Variants in AFF3 observed in about 807,000 individuals in gnomAD.
AFF3 encodes ALF transcription elongation factor 3.
A neutral mutation model predicts 129.7 loss-of-function variants in AFF3; 32 were observed. The observed-to-expected ratio is 0.25, with a 90% CI of 0.19 to 0.33. The LOEUF is 0.33. Among genes scored for constraint, AFF3 ranks in the 10% least tolerant of loss-of-function variants. The pLI, the probability that AFF3 is intolerant of heterozygous loss-of-function variation, is 1.00. For synonymous variants in AFF3, 644 were observed against 635.4 expected (o/e 1.01, Z -0.20); for missense variants, 1,373 against 1,592.0 (o/e 0.86, Z 2.34).
At chr2:99,999,916 C>T (rs1681224601) in intron 7 of AFF3, among the ~76,000 whole-genome samples, 1 of 152,180 alleles carries the variant, frequency 6.6e-6, no homozygotes, top group Non-Finnish European at 1.5e-5. Flanking sequence ...AGTATCACTT[C>T]CAGAGGCATC....
intron 4 of AFF3, among the ~76,000 whole-genome samples, chr2:100,081,242 C>T (rs1325420075): frequency 6.6e-6 from 1 of 152,102 alleles, no homozygotes; most frequent in East Asian, 1.9e-4. Context: ...TACACTTGTA[C>T]TCCATACATT....
intron 4 of AFF3, among the ~76,000 whole-genome samples, chr2:100,009,983 G>C (rs1682365421): frequency 6.6e-6 from 1 of 152,172 alleles, no homozygotes; most frequent in African/African-American, 2.4e-5. Context: ...TTGGTCTAGT[G>C]GGCAGATGCT....
chr2:99,719,936 C>T (rs1009163437), intron 11 of AFF3, among the ~76,000 whole-genome samples: 3 of 152,178 alleles, frequency 2.0e-5, no homozygotes, highest in Admixed American at 2.0e-4. Context: ...ACTCAGGAGG[C>T]TGAGGCAGGA....
At chr2:99,689,177 C>T (rs1034167291) in intron 11 of AFF3, among the ~76,000 whole-genome samples, 9 of 152,104 alleles carry the variant, frequency 5.9e-5, no homozygotes, top group Non-Finnish European at 1.3e-4. Flanking sequence ...CTCTTCAGTC[C>T]CTTCTCCAGG....
rs559405785 is a variant in AFF3 at position 99,671,443 on chromosome 2, G to A, written c.1143+1095C>T. 1.1e-4 allele frequency among the ~76,000 whole-genome samples: 16 copies of A among 151,950 alleles called. No homozygotes were observed. The South Asian group carries it at 1.9e-3, about 18-fold the overall frequency. ...CTCCTCAAGCTCTTCTCCCTTTTTCGTGCCTCAGTTTCTCCCATGACATGA... is the reference window on the plus strand; with the variant it reads ...CTCCTCAAGCTCTTCTCCCTTTTTCATGCCTCAGTTTCTCCCATGACATGA... On this transcript the variant is annotated intron_variant, in intron 12 of 24. Coordinates refer to ENST00000672756, the MANE Select transcript of AFF3 (RefSeq NM_001386135.1).
At chr2:99,686,871 AC>A (rs1675113442) in intron 11 of AFF3, among the ~76,000 whole-genome samples, 1 of 152,212 alleles carries the variant, frequency 6.6e-6, no homozygotes, top group African/African-American at 2.4e-5. Flanking sequence ...CTGGGAGCCT[AC>A]CCTGTTCTGT....
At chr2:99,875,800 G>A (rs1190526263) in intron 7 of AFF3, among the ~76,000 whole-genome samples, 7 of 152,158 alleles carry the variant, frequency 4.6e-5, no homozygotes, top group Non-Finnish European at 8.8e-5. Flanking sequence ...GGCTCAATAT[G>A]GTCTCCCAGG....
At chr2:100,101,789 T>C (rs1350786206) in intron 4 of AFF3, among the ~76,000 whole-genome samples, 1 of 151,068 alleles carries the variant, frequency 6.6e-6, no homozygotes, top group African/African-American at 2.4e-5. Flanking sequence ...GGCTGCCCCA[T>C]TTTTAGATGT....
At chr2:99,680,463 G>T (rs1255100535) in intron 11 of AFF3, among the ~76,000 whole-genome samples, 1 of 152,132 alleles carries the variant, frequency 6.6e-6, no homozygotes, top group Non-Finnish European at 1.5e-5. Context: ...GATTCTGACT[G>T]GGAACATAAA....
intron 13 of AFF3, among the ~76,000 whole-genome samples, chr2:99,621,678 A>G (rs1390671189): frequency 1.3e-5 from 2 of 152,246 alleles, no homozygotes; most frequent in African/African-American, 2.4e-5. Flanking sequence ...CAAGCGCTCA[A>G]TGCGGCCATA....
chr2:99,560,353 A>G lies in AFF3; in HGVS notation c.3191+12T>C. The stretch of plus-strand genomic sequence containing the variant: ...GCTGGGGCTGCTATTCTAAGCGGAG[A>G]TGGGCACTCACCATAATGCAGCCAG... On this transcript the variant is annotated intron_variant, in intron 21 of 24. Transcript: ENST00000672756. 6.2e-7 allele frequency: 1 copy of G among 1,613,752 alleles called. No homozygotes were observed. The highest frequency in any genetic ancestry group is 8.5e-7 in the Non-Finnish European group (1 of 1,179,782).
intron 9 of AFF3, among the ~76,000 whole-genome samples, chr2:99,749,811 G>A (rs1681481526): frequency 6.6e-6 from 1 of 152,166 alleles, no homozygotes; most frequent in South Asian, 2.1e-4. Flanking sequence ...TTCGAACAAT[G>A]AATTCTTGGG....
intron 7 of AFF3, among the ~76,000 whole-genome samples, chr2:99,978,277 T>G (rs1679071512): frequency 6.6e-6 from 1 of 152,168 alleles, no homozygotes; most frequent in Admixed American, 6.5e-5. Context: ...AACATGTTTA[T>G]ATGTGAGTGC....
chr2:99,577,538 T>C (rs1379025682), intron 18 of AFF3, among the ~76,000 whole-genome samples: 1 of 152,236 alleles, frequency 6.6e-6, no homozygotes, highest in Admixed American at 6.5e-5. Context: ...AGTGCCTATT[T>C]CTGCTGCTGC....
chr2:99,687,428 C>A (rs1675174300), intron 11 of AFF3, among the ~76,000 whole-genome samples: 1 of 152,030 alleles, frequency 6.6e-6, no homozygotes, highest in South Asian at 2.1e-4. Context: ...ATCAAATGAG[C>A]CAGGTGGGTA....
intron 4 of AFF3, among the ~76,000 whole-genome samples, chr2:100,049,934 C>T (rs2105128170): frequency 6.6e-6 from 1 of 152,248 alleles, no homozygotes; most frequent in Middle Eastern, 3.4e-3. Flanking sequence ...AGTTACTCGG[C>T]CAGGCGTAGT....
chr2:99,942,547 CGGG>C (rs56988005), intron 7 of AFF3, among the ~76,000 whole-genome samples: 12 of 59,302 alleles, frequency 2.0e-4, no homozygotes, highest in Non-Finnish European at 4.2e-4. Context: ...GGGGGAGGGG[CGGG>C]GGGGGGGTCG....
intron 2 of AFF3, among the ~76,000 whole-genome samples, chr2:100,119,133 A>C (rs1319322650): frequency 6.6e-6 from 1 of 152,170 alleles, no homozygotes; most frequent in Non-Finnish European, 1.5e-5. Context: ...CATAGTCTTA[A>C]TGCATACCTT....
rs137921945 is a variant in AFF3 at position 99,549,611 on chromosome 2, G to A, written c.*1863C>T. The stretch of plus-strand genomic sequence containing the variant: ...AAAAAAAGTGAAAGGGTTGTAAGAA[G>A]CACCCCAGTTGGAGACATGTAAAAT... On this transcript the variant is annotated 3_prime_UTR_variant, in exon 25 of 25. Transcript: ENST00000672756. The A allele has an allele frequency of 2.0e-5, 4 of 201,598 alleles. No homozygotes were observed. The highest frequency in any genetic ancestry group is 9.2e-5 in the African/African-American group (4 of 43,714). 12.5% of individuals were successfully genotyped at this position (201,598 alleles called of 1,614,324 possible).
Sources: allele counts gnomAD v4.1 joint callset (sites outside exome capture counted in the v4.1 genomes callset), GRCh38; gene constraint gnomAD v4.1.1; transcripts MANE v1.5; gene names NCBI Gene and HGNC (gene_info 2026-07-23, HGNC 2026-07-21).